The following PRKN variants were observed in gnomAD, a reference collection of about 807,000 sequenced individuals.
PRKN encodes E3 ubiquitin-protein ligase parkin.
A neutral mutation model predicts 59.5 loss-of-function variants in PRKN; 56 were observed. The ratio of observed to expected loss-of-function variants is 0.94; its 90% CI spans 0.76 to 1.18. PRKN has a LOEUF of 1.18. Among genes scored for constraint, PRKN ranks in the 50% most tolerant of loss-of-function variants. The pLI, the probability that PRKN is intolerant of heterozygous loss-of-function variation, is 0.00. For synonymous variants in PRKN, 250 were observed against 222.1 expected, an observed-to-expected ratio of 1.13 and a Z score of -1.12; for missense variants, 657 against 596.4, an observed-to-expected ratio of 1.10 and a Z score of -1.06.
chr6:161,594,840 A>G (rs1426981136), intron 7 of PRKN, among the ~76,000 whole-genome samples: 1 of 152,248 alleles, frequency 6.6e-6, no homozygotes, highest in African/African-American at 2.4e-5. Context: ...AATAAGTGAA[A>G]CAAGAAAATA....
intron 2 of PRKN, among the ~76,000 whole-genome samples, chr6:162,434,585 G>A (rs1172435325): frequency 6.6e-6 from 1 of 151,778 alleles, no homozygotes; most frequent in Non-Finnish European, 1.5e-5. Flanking sequence ...GTGTCTTATG[G>A]GCATCACTAA....
chr6:161,382,460 A>G (rs1786038942), intron 10 of PRKN, among the ~76,000 whole-genome samples: 1 of 152,216 alleles, frequency 6.6e-6, no homozygotes, highest in Non-Finnish European at 1.5e-5. Flanking sequence ...TTTAGAGAGC[A>G]CCACTAAAAA....
intron 2 of PRKN, among the ~76,000 whole-genome samples, chr6:162,441,646 A>G (rs771030772): frequency 6.6e-6 from 1 of 152,210 alleles, no homozygotes; most frequent in Non-Finnish European, 1.5e-5. Flanking sequence ...TTTAGGGCTC[A>G]TAAATAAAGA....
intron 4 of PRKN, among the ~76,000 whole-genome samples, chr6:162,076,520 A>C (rs1207695868): frequency 6.6e-6 from 1 of 152,078 alleles, no homozygotes; most frequent in African/African-American, 2.4e-5. Flanking sequence ...GTTATAATCA[A>C]AGTCCAATCA....
chr6:161,943,443 T>G (rs953880445), intron 6 of PRKN, among the ~76,000 whole-genome samples: 1 of 152,262 alleles, frequency 6.6e-6, no homozygotes, highest in African/African-American at 2.4e-5. Context: ...CTTTTAGACA[T>G]GAAATGTAAT....
rs909254139 is a variant in PRKN, at chr6:162,135,003, A to G, written c.534+66128T>C. Among the ~76,000 whole-genome samples, 8 of 152,194 alleles carry G rather than the reference A, an allele frequency of 5.3e-5. No individual in the cohort carries two copies. In the South Asian group the frequency reaches 1.7e-3, roughly 31 times the overall value. ...TATACATGTTATAACAAAACCTATC[A>G]CTACAACTGGGAATAACACAGAGCA... On this transcript the variant is annotated intron_variant, in intron 4 of 11. Coordinates refer to ENST00000366898, the MANE Select transcript of PRKN (RefSeq NM_004562.3).
chr6:162,605,563 A>C (rs1230913044), intron 1 of PRKN, among the ~76,000 whole-genome samples: 1 of 152,150 alleles, frequency 6.6e-6, no homozygotes, highest in Non-Finnish European at 1.5e-5. Flanking sequence ...TGTGTAAGTG[A>C]TTTTTAATAG....
intron 4 of PRKN, among the ~76,000 whole-genome samples, chr6:162,105,613 G>A (rs6921072): frequency 6.6e-6 from 1 of 152,028 alleles, no homozygotes; most frequent in Non-Finnish European, 1.5e-5. Flanking sequence ...TTGGCCAGGC[G>A]GGTCTCAAAC....
intron 4 of PRKN, among the ~76,000 whole-genome samples, chr6:162,055,374 C>T (rs1777814407): frequency 6.6e-6 from 1 of 152,104 alleles, no homozygotes; most frequent in South Asian, 2.1e-4. Flanking sequence ...ACCTAATTAT[C>T]AATTAAATGG....
chr6:161,973,392 T>C lies in PRKN; in HGVS notation c.644A>G (p.His215Arg). Residue 215 changes from histidine (H) to arginine (R), a missense_variant, in exon 6 of 12, where the codon CAC (histidine) becomes CGC (arginine). Physicochemically the swap from His to Arg is conservative, Grantham distance 29. Coordinates refer to ENST00000366898, the MANE Select transcript of PRKN (RefSeq NM_004562.3). ...SAEFFFKCGA[H>R]PTSDKETSVA... Reference sequence around the variant, plus strand: ...TGATGTTTCCTTGTCAGAGGTGGGGTGTGCTCCACATTTAAAGAAAAATTC... The same window carrying C: ...TGATGTTTCCTTGTCAGAGGTGGGGCGTGCTCCACATTTAAAGAAAAATTC... 1 of 1,611,842 alleles carries C rather than the reference T, an allele frequency of 6.2e-7. No individual in the cohort carries two copies. Among genetic ancestry groups the C allele is most frequent in the Non-Finnish European group, 8.5e-7 (1 of 1,177,926 alleles).
chr6:162,441,202 G>T (rs1215516117), intron 2 of PRKN, among the ~76,000 whole-genome samples: 1 of 151,684 alleles, frequency 6.6e-6, no homozygotes, highest in Non-Finnish European at 1.5e-5. Context: ...AACCAAACCG[G>T]GTCTTCAGAC....
At chr6:161,658,492 C>T (rs1004550489) in intron 7 of PRKN, among the ~76,000 whole-genome samples, 8 of 152,134 alleles carry the variant, frequency 5.3e-5, no homozygotes, top group African/African-American at 1.7e-4. Context: ...ACAATAACAG[C>T]GGGAGAGTGT....
rs761870074 is a variant in PRKN at position 161,401,110 on chromosome 6, T to C, written c.1084-14233A>G. ...TCACGTAAGTTTTGGCCTGGTGTTATTGCAGTCTCTTAATTTAGCCAACAA... is the reference window on the plus strand; with the variant it reads ...TCACGTAAGTTTTGGCCTGGTGTTACTGCAGTCTCTTAATTTAGCCAACAA... On this transcript the variant is annotated intron_variant, in intron 9 of 11. Transcript: ENST00000366898. This position sits in a 1 kb window ranked among gnomAD's most constrained non-coding sequence, Gnocchi z 4.4. Among the ~76,000 whole-genome samples the C allele has an allele frequency of 6.6e-6, 1 of 152,194 alleles. No individual in the cohort carries two copies. The highest frequency in any genetic ancestry group is 1.5e-5 in the Non-Finnish European group (1 of 68,022).
chr6:161,718,194 G>C (rs866173339), intron 7 of PRKN, among the ~76,000 whole-genome samples: 1 of 152,112 alleles, frequency 6.6e-6, no homozygotes, highest in African/African-American at 2.4e-5. Context: ...AAACGGATTT[G>C]AAAGCCAGGC....
chr6:162,696,873 TAAC>T (rs532176484), intron 1 of PRKN, among the ~76,000 whole-genome samples: 3 of 152,232 alleles, frequency 2.0e-5, no homozygotes, highest in Middle Eastern at 3.4e-3. Flanking sequence ...AACAAATTGT[TAAC>T]AAATCCCTGA....
intron 2 of PRKN, among the ~76,000 whole-genome samples, chr6:162,321,179 C>G (rs922567113): frequency 6.6e-6 from 1 of 151,734 alleles, no homozygotes; most frequent in African/African-American, 2.4e-5. Context: ...ATGTCAGAAA[C>G]AAGAGAAGTG....
At chr6:162,352,131 G>C (rs1784650964) in intron 2 of PRKN, among the ~76,000 whole-genome samples, 1 of 152,092 alleles carries the variant, frequency 6.6e-6, no homozygotes. Flanking sequence ...TTGAGACATG[G>C]ACTTCACAAA....
At chr6:161,799,640 T>C (rs1583179536) in intron 6 of PRKN, among the ~76,000 whole-genome samples, 3 of 152,340 alleles carry the variant, frequency 2.0e-5, no homozygotes. Context: ...GCCAGGCACT[T>C]AGCATTCAGG....
At chr6:162,549,805 A>T (rs903738555) in intron 1 of PRKN, among the ~76,000 whole-genome samples, 10 of 152,038 alleles carry the variant, frequency 6.6e-5, no homozygotes, top group Non-Finnish European at 1.0e-4. Flanking sequence ...TGCCTGGCTA[A>T]TTTTTGTACT....
Sources: gnomAD v4.1 joint callset for allele counts (sites outside exome capture counted in the v4.1 genomes callset) on GRCh38, gnomAD v4.1.1 for gene constraint, Gnocchi (gnomAD v3.1) non-coding constraint, MANE v1.5 for transcripts, NCBI Gene and HGNC (gene_info 2026-07-23, HGNC 2026-07-21) for gene names.